The following PCDH9 variants were observed in gnomAD, a reference collection of about 807,000 sequenced individuals.
PCDH9 encodes protocadherin 9.
A neutral mutation model predicts 70.6 loss-of-function variants in PCDH9; 24 were observed. The observed-to-expected ratio is 0.34, with a 90% CI of 0.25 to 0.48. The LOEUF (loss-of-function observed/expected upper bound fraction) is 0.48, where lower values mean the gene tolerates loss of function less well. Among genes scored for constraint, PCDH9 ranks in the 20% least tolerant of loss-of-function variants. The pLI, the probability that PCDH9 is intolerant of heterozygous loss-of-function variation, is 0.99. For missense variants in PCDH9, 1,281 were observed against 1,503.6 expected (o/e 0.85, Z 2.45); for synonymous variants, 562 against 558.5 (o/e 1.01, Z -0.09).
At chr13:67,048,802 T>C (rs79567960) in intron 2 of PCDH9, among the ~76,000 whole-genome samples, 76 of 152,340 alleles carry the variant, frequency 5.0e-4, no homozygotes, top group African/African-American at 1.7e-3. Context: ...CACACGGTTT[T>C]GCACACAGTA....
At chr13:66,590,360 A>G (rs2077022456) in intron 4 of PCDH9, among the ~76,000 whole-genome samples, 1 of 151,934 alleles carries the variant, frequency 6.6e-6, no homozygotes, top group Admixed American at 6.6e-5. Context: ...TAACATGATT[A>G]ATAACTCCAA....
At chr13:66,714,065 G>T (rs2078836195) in intron 3 of PCDH9, among the ~76,000 whole-genome samples, 1 of 151,996 alleles carries the variant, frequency 6.6e-6, no homozygotes, top group Non-Finnish European at 1.5e-5. Context: ...GGCTATTGCA[G>T]GATACTAGGT....
At chr13:66,887,750 T>C (rs570070005) in intron 3 of PCDH9, among the ~76,000 whole-genome samples, 9 of 152,318 alleles carry the variant, frequency 5.9e-5, no homozygotes, top group African/African-American at 2.2e-4. Context: ...TCTGGTATTG[T>C]AAATAAACTA....
At chr13:66,862,254 T>C (rs767265199) in intron 3 of PCDH9, among the ~76,000 whole-genome samples, 21 of 152,196 alleles carry the variant, frequency 1.4e-4, no homozygotes, top group Non-Finnish European at 2.6e-4. Context: ...CTTGTGAGTG[T>C]TCTATTAGCT....
At chr13:66,661,505 A>G (rs2078008353) in intron 3 of PCDH9, among the ~76,000 whole-genome samples, 1 of 152,206 alleles carries the variant, frequency 6.6e-6, no homozygotes, top group South Asian at 2.1e-4. Context: ...AAATTGCTTT[A>G]CCACTGAGAG....
chr13:67,201,965 A>G (rs1377050433), intron 2 of PCDH9: 1 of 152,104 alleles, frequency 6.6e-6, no homozygotes, highest in East Asian at 1.9e-4. Flanking sequence ...GCCACATTCA[A>G]TTATTTTTTG....
chr13:66,662,674 G>A (rs1324845855), intron 3 of PCDH9, among the ~76,000 whole-genome samples: 2 of 152,158 alleles, frequency 1.3e-5, no homozygotes, highest in African/African-American at 4.8e-5. Context: ...CAATGGATGG[G>A]CGAATGAAGA....
intron 4 of PCDH9, among the ~76,000 whole-genome samples, chr13:66,524,002 G>A (rs1007364333): frequency 2.6e-5 from 4 of 151,912 alleles, no homozygotes; most frequent in Admixed American, 6.6e-5. Context: ...ATTATGAGGC[G>A]GTGCTAAATG....
chr13:66,902,191 AAAG>A (rs773730541), intron 3 of PCDH9, among the ~76,000 whole-genome samples: 7 of 151,574 alleles, frequency 4.6e-5, no homozygotes, highest in Non-Finnish European at 8.9e-5. Flanking sequence ...TTGGATAAAA[AAAG>A]AAAGAAAAAT....
At chr13:66,968,728 A>G (rs1250921004) in intron 2 of PCDH9, among the ~76,000 whole-genome samples, 1 of 152,074 alleles carries the variant, frequency 6.6e-6, no homozygotes, top group Non-Finnish European at 1.5e-5. Context: ...AAATGCCCAT[A>G]TCACAACACC....
chr13:66,709,938 G>T (rs754291657), intron 3 of PCDH9, among the ~76,000 whole-genome samples: 1 of 152,106 alleles, frequency 6.6e-6, no homozygotes, highest in Non-Finnish European at 1.5e-5. Context: ...GTCAGCAAAA[G>T]AAGTATCTTC....
intron 4 of PCDH9, among the ~76,000 whole-genome samples, chr13:66,506,685 C>T (rs546308215): frequency 6.6e-6 from 1 of 152,246 alleles, no homozygotes; most frequent in South Asian, 2.1e-4. Context: ...GCGCTACACA[C>T]TAAGAAAGCT....
At chr13:66,571,031 C>A (rs2076726285) in intron 4 of PCDH9, among the ~76,000 whole-genome samples, 1 of 151,924 alleles carries the variant, frequency 6.6e-6, no homozygotes, top group South Asian at 2.1e-4. Flanking sequence ...TTAGAATTAA[C>A]CTTCTTAACA....
At chr13:66,753,683 T>C (rs1385465298) in intron 3 of PCDH9, among the ~76,000 whole-genome samples, 1 of 152,172 alleles carries the variant, frequency 6.6e-6, no homozygotes, top group Non-Finnish European at 1.5e-5. Flanking sequence ...TCATCATCTG[T>C]CTTCTCACTT....
chr13:66,747,459 T>A (rs187063527), intron 3 of PCDH9, among the ~76,000 whole-genome samples: 96 of 152,272 alleles, frequency 6.3e-4, no homozygotes, highest in African/African-American at 2.0e-3. Flanking sequence ...TTGTGACCAA[T>A]GTGAATATTT....
intron 4 of PCDH9, among the ~76,000 whole-genome samples, chr13:66,416,581 G>C (rs6562452): frequency 0.43 from 64,669 of 152,082 alleles, 13,934 homozygotes; most frequent in South Asian, 0.53. Context: ...ATCTATATTA[G>C]TTTGCCCAAT....
intron 4 of PCDH9, among the ~76,000 whole-genome samples, chr13:66,475,085 A>G (rs1417350836): frequency 6.6e-6 from 1 of 152,138 alleles, no homozygotes; most frequent in East Asian, 1.9e-4. Flanking sequence ...GAGATTAGTT[A>G]TATAAAATTT....
chr13:66,672,477 G>A (rs962301444), intron 3 of PCDH9, among the ~76,000 whole-genome samples: 8 of 152,222 alleles, frequency 5.3e-5, no homozygotes, highest in Non-Finnish European at 8.8e-5. Context: ...GGGCAATGCA[G>A]GAGGGAAATG....
In PCDH9 at chr13:66,567,973, G is replaced by A. The variant is rs538468840; in HGVS notation, c.3340+63237C>T. Among the ~76,000 whole-genome samples the A allele has an allele frequency of 3.9e-5, 6 of 152,118 alleles. No homozygotes were observed. The East Asian group carries it at 9.7e-4, about 24-fold the overall frequency. ...GTTTGCATCCTAAGCCTAAATAATT[G>A]CTTAATAAACACACCTACTGTGTGT... is the stretch of plus-strand genomic sequence containing the variant. On this transcript the variant is annotated intron_variant, in intron 4 of 4. Coordinates refer to ENST00000377865, the MANE Select transcript of PCDH9 (RefSeq NM_203487.3).
Sources: allele counts gnomAD v4.1 joint callset (sites outside exome capture counted in the v4.1 genomes callset), GRCh38; gene constraint gnomAD v4.1.1; transcripts MANE v1.5; gene names NCBI Gene and HGNC (gene_info 2026-07-23, HGNC 2026-07-21).